Variants in AGTPBP1 observed in about 807,000 individuals in gnomAD.
AGTPBP1 encodes the protein ATP/GTP binding carboxypeptidase 1.
A neutral mutation model predicts 143.9 loss-of-function variants in AGTPBP1; 70 were observed. That is an observed-to-expected ratio of 0.49 (90% CI 0.40 to 0.59). The LOEUF (loss-of-function observed/expected upper bound fraction) is 0.59, where lower values mean the gene tolerates loss of function less well. Among genes scored for constraint, AGTPBP1 ranks in the 20% least tolerant of loss-of-function variants. The probability of loss-of-function intolerance (pLI) is 0.00; values close to 1 mark genes in which losing one functional copy is unlikely to be tolerated. For synonymous variants in AGTPBP1, 463 were observed against 500.2 expected (o/e 0.93, Z 0.99); for missense variants, 1,229 against 1,464.5 (o/e 0.84, Z 2.62).
intron 2 of AGTPBP1, among the ~76,000 whole-genome samples, chr9:85,702,650 T>TC (rs1491169629): frequency 6.6e-6 from 1 of 151,462 alleles, no homozygotes; most frequent in East Asian, 1.9e-4. Context: ...CGACTCTCTG[T>TC]CTCTCTCTCT....
At chr9:85,799,899 G>T in the AGTPBP1 span, among the ~76,000 whole-genome samples, 1 of 152,054 alleles carries the variant, frequency 6.6e-6, no homozygotes. Context: ...CTGACTATTG[G>T]GCTGACTGTA....
intron 18 of AGTPBP1, among the ~76,000 whole-genome samples, chr9:85,595,215 C>T (rs1829217689): frequency 6.6e-6 from 1 of 152,162 alleles, no homozygotes; most frequent in African/African-American, 2.4e-5. Context: ...TTTCCAAAGC[C>T]ATGTCAAAAC....
At chr9:85,636,971 T>A (rs1020283594) in intron 13 of AGTPBP1, among the ~76,000 whole-genome samples, 1 of 150,540 alleles carries the variant, frequency 6.6e-6, no homozygotes, top group Non-Finnish European at 1.5e-5. Context: ...ACACTTACCA[T>A]ACATACCACC....
intron 24 of AGTPBP1, 140 bp from the exon 25 acceptor site, chr9:85,575,615 A>G (rs1827849509): frequency 1.8e-6 from 1 of 560,518 alleles, no homozygotes. Context: ...CTAGGACTCA[A>G]CAAGTTTAAC....
chr9:85,781,048 C>T, the AGTPBP1 span, among the ~76,000 whole-genome samples: 7 of 152,178 alleles, frequency 4.6e-5, no homozygotes, highest in South Asian at 1.0e-3. Flanking sequence ...ACCTGGGTGG[C>T]GGAGCTTACA....
the AGTPBP1 span, among the ~76,000 whole-genome samples, chr9:85,771,092 C>G: frequency 6.6e-6 from 1 of 152,160 alleles, no homozygotes; most frequent in Non-Finnish European, 1.5e-5. Context: ...GTCTTTTCCA[C>G]TTAAGTTATA....
At chr9:85,561,484 T>C (rs965701319) in intron 25 of AGTPBP1, among the ~76,000 whole-genome samples, 47 of 151,250 alleles carry the variant, frequency 3.1e-4, no homozygotes, top group African/African-American at 1.1e-3. Context: ...GACAACAGAA[T>C]CCATATCTTT....
Position 85,604,203 on chromosome 9 carries a change from G to A in AGTPBP1, c.2336-7754C>T, listed in dbSNP as rs180741756. 4.0e-4 allele frequency among the ~76,000 whole-genome samples: 61 copies of A among 152,262 alleles called. 1 individual carries two copies. The highest frequency in any genetic ancestry group is 1.4e-3 in the African/African-American group (60 of 41,548). ...CTGGCTTTGTGTCTGACCCAGTATA[G>A]TACCAGCGGTGGTGGCCACAGGGTT... On this transcript the variant is annotated intron_variant, in intron 17 of 25. Coordinates refer to ENST00000357081, the MANE Select transcript of AGTPBP1 (RefSeq NM_001330701.2).
At chr9:85,749,694 G>T in the AGTPBP1 span, among the ~76,000 whole-genome samples, 1 of 152,058 alleles carries the variant, frequency 6.6e-6, no homozygotes, top group Admixed American at 6.6e-5. Context: ...CTTTAAAATG[G>T]ATTTTATAAT....
chr9:85,608,290 G>A (rs1000553391), intron 17 of AGTPBP1, among the ~76,000 whole-genome samples: 3 of 151,994 alleles, frequency 2.0e-5, no homozygotes, highest in African/African-American at 7.2e-5. Context: ...CAATGCATCT[G>A]ATAAGATCAA....
Position 85,655,197 on chromosome 9 carries a change from G to A in AGTPBP1, c.1033C>T (p.Pro345Ser). The part of the protein sequence containing the change: ...TIKSSFHFQL[P>S]VIPVTGPVAQ... ...ACAGGACCAGTCACAGGAATAACAG[G>A]CAACTGGAAATGAAAAGAACTTTTA... Residue 345 changes from proline (P) to serine (S), a missense_variant, in exon 11 of 26, where the codon CCT becomes TCT. Pro to Ser is a moderately conservative substitution (Grantham distance 74, BLOSUM62 -1). Transcript: ENST00000357081. 1.2e-6 allele frequency: 2 copies of A among 1,613,426 alleles called. No homozygotes were observed.
intron 6 of AGTPBP1, among the ~76,000 whole-genome samples, chr9:85,674,238 A>T (rs1834682018): frequency 6.6e-6 from 1 of 152,054 alleles, no homozygotes. Flanking sequence ...CTAGAAAAAT[A>T]AAAAGAATAG....
chr9:85,551,677 A>C (rs1826045662), intron 25 of AGTPBP1, among the ~76,000 whole-genome samples: 1 of 152,194 alleles, frequency 6.6e-6, no homozygotes, highest in Non-Finnish European at 1.5e-5. Context: ...AAGGCACAAG[A>C]CCAATCACAG....
chr9:85,547,312 C>G, intron 25 of AGTPBP1, 26 bp from the exon 26 acceptor site: 1 of 1,574,078 alleles, frequency 6.4e-7, no homozygotes, highest in South Asian at 1.2e-5. Flanking sequence ...ACAGAACATA[C>G]AAGACTTTGT....
intron 1 of AGTPBP1, among the ~76,000 whole-genome samples, chr9:85,735,010 G>A (rs1165534044): frequency 2.0e-5 from 3 of 152,030 alleles, no homozygotes; most frequent in Non-Finnish European, 4.4e-5. Flanking sequence ...CCTCCAGCCT[G>A]GGCAACACAG....
chr9:85,799,871 AG>A, the AGTPBP1 span, among the ~76,000 whole-genome samples: 360 of 152,278 alleles, frequency 2.4e-3, no homozygotes, highest in Non-Finnish European at 4.0e-3. Flanking sequence ...GAGCCTCTGT[AG>A]GTACAATCAG....
chr9:85,674,958 A>C (rs1423469656), intron 6 of AGTPBP1, among the ~76,000 whole-genome samples: 1 of 151,902 alleles, frequency 6.6e-6, no homozygotes, highest in Non-Finnish European at 1.5e-5. Context: ...GTGCAGTGGT[A>C]CGATCTCGGC....
At chr9:85,727,258 T>C (rs745793630) in intron 1 of AGTPBP1, among the ~76,000 whole-genome samples, 2 of 152,002 alleles carry the variant, frequency 1.3e-5, no homozygotes, top group Non-Finnish European at 2.9e-5. Context: ...ACCCAGGAGA[T>C]GGAGGCTGAA....
At chr9:85,601,671 G>A (rs908139644) in intron 17 of AGTPBP1, among the ~76,000 whole-genome samples, 1 of 152,090 alleles carries the variant, frequency 6.6e-6, no homozygotes, top group Admixed American at 6.5e-5. Flanking sequence ...GGAGCCAAAG[G>A]ACCCACCCAC....
Sources: gnomAD v4.1 joint callset for allele counts (sites outside exome capture counted in the v4.1 genomes callset) on GRCh38, gnomAD v4.1.1 for gene constraint, MANE v1.5 for transcripts, NCBI Gene and HGNC (gene_info 2026-07-23, HGNC 2026-07-21) for gene names.